Variants in CDK14 observed in about 807,000 individuals in gnomAD.
The protein encoded by CDK14 is cyclin dependent kinase 14, also known as cyclin-dependent kinase 14.
CDK14 carries 34 observed loss-of-function variants against 60.7 expected under a neutral mutation model. That is an observed-to-expected ratio of 0.56 (90% CI 0.43 to 0.75). The LOEUF (loss-of-function observed/expected upper bound fraction) is 0.75, where lower values mean the gene tolerates loss of function less well. Among genes scored for constraint, CDK14 ranks in the 30% least tolerant of loss-of-function variants. The pLI is 0.00. For synonymous variants in CDK14, 197 were observed against 203.7 expected (o/e 0.97, Z 0.28); for missense variants, 482 against 564.1 (o/e 0.85, Z 1.47).
chr7:90,769,240 G>T (rs1804688392), intron 4 of CDK14, among the ~76,000 whole-genome samples: 1 of 152,150 alleles, frequency 6.6e-6, no homozygotes. Flanking sequence ...AGTTGGAGAA[G>T]AGTCATGCCA....
intron 3 of CDK14, among the ~76,000 whole-genome samples, chr7:90,747,412 GAT>G (rs1222171974): frequency 1.3e-5 from 2 of 152,212 alleles, no homozygotes; most frequent in Non-Finnish European, 2.9e-5. Context: ...TCAGCTTACA[GAT>G]AGCACTGGAA....
chr7:91,175,425 A>G (rs1444002936), intron 14 of CDK14, among the ~76,000 whole-genome samples: 1 of 152,020 alleles, frequency 6.6e-6, no homozygotes, highest in Non-Finnish European at 1.5e-5. Context: ...ACCAGCTAAC[A>G]TCATCATGAC....
At chr7:90,813,172 G>C (rs1200613331) in intron 5 of CDK14, among the ~76,000 whole-genome samples, 1 of 152,110 alleles carries the variant, frequency 6.6e-6, no homozygotes, top group Non-Finnish European at 1.5e-5. Flanking sequence ...TTGTTTGTTT[G>C]TTTCTTTTGA....
chr7:90,668,712 T>A (rs1801036248), intron 2 of CDK14, among the ~76,000 whole-genome samples: 1 of 140,504 alleles, frequency 7.1e-6, no homozygotes, highest in African/African-American at 2.7e-5. Flanking sequence ...TTTTTTTTTT[T>A]TTTTTTTTTT....
At chr7:90,640,168 C>T (rs1259611048) in intron 2 of CDK14, among the ~76,000 whole-genome samples, 1 of 152,044 alleles carries the variant, frequency 6.6e-6, no homozygotes, top group Non-Finnish European at 1.5e-5. Flanking sequence ...TGATATGAAC[C>T]CGGTACCTCA....
chr7:90,683,897 C>CGTGTGTGTGTGTGTGTGTGT, intron 2 of CDK14, among the ~76,000 whole-genome samples: 1 of 145,764 alleles, frequency 6.9e-6, no homozygotes, highest in Admixed American at 6.8e-5. Context: ...AGAAAATGTA[C>CGTGTGTGTGTGTGTGTGTGT]GTGTGTGTGT....
intron 8 of CDK14, among the ~76,000 whole-genome samples, chr7:90,929,880 G>A (rs560595293): frequency 6.6e-6 from 1 of 152,296 alleles, no homozygotes; most frequent in African/African-American, 2.4e-5. Context: ...CTATCATCTA[G>A]AGTGAACACT....
chr7:90,620,506 C>G (rs1799743887), intron 2 of CDK14, among the ~76,000 whole-genome samples: 1 of 151,976 alleles, frequency 6.6e-6, no homozygotes, highest in African/African-American at 2.4e-5. Context: ...TCCAGCTTGT[C>G]CCCGTATCCC....
intron 12 of CDK14, among the ~76,000 whole-genome samples, chr7:91,111,721 A>C (rs1231680458): frequency 2.0e-5 from 3 of 152,186 alleles, no homozygotes; most frequent in African/African-American, 7.2e-5. Flanking sequence ...CGCATGTTCA[A>C]CTATCCAGAA....
intron 6 of CDK14, among the ~76,000 whole-genome samples, chr7:90,891,935 A>G (rs1017114411): frequency 1.3e-5 from 2 of 152,252 alleles, no homozygotes; most frequent in African/African-American, 4.8e-5. Context: ...TATCTCATGA[A>G]TAGGAGGTCT....
intron 11 of CDK14, among the ~76,000 whole-genome samples, chr7:91,054,696 C>G (rs1369934025): frequency 6.6e-6 from 1 of 152,060 alleles, no homozygotes; most frequent in Non-Finnish European, 1.5e-5. Context: ...TTACTAGGTG[C>G]CAGGCAGTAT....
intron 5 of CDK14, among the ~76,000 whole-genome samples, chr7:90,827,456 T>C (rs1789765405): frequency 1.3e-5 from 2 of 152,244 alleles, no homozygotes; most frequent in Admixed American, 6.5e-5. Flanking sequence ...TCAACTCATT[T>C]GAATACTTAA....
intron 14 of CDK14, among the ~76,000 whole-genome samples, chr7:91,179,415 T>G: frequency 1.4e-5 from 2 of 148,086 alleles, no homozygotes; most frequent in African/African-American, 4.9e-5. Flanking sequence ...GATGACGAGT[T>G]AGTGGGTGCA....
intron 2 of CDK14, among the ~76,000 whole-genome samples, chr7:90,665,899 A>G (rs538039349): frequency 6.6e-6 from 1 of 152,236 alleles, no homozygotes; most frequent in African/African-American, 2.4e-5. Context: ...CGATAAAATC[A>G]TCATGCTTCA....
chr7:90,705,654 A>T (rs1189211378), intron 2 of CDK14, among the ~76,000 whole-genome samples: 1 of 149,790 alleles, frequency 6.7e-6, no homozygotes, highest in Non-Finnish European at 1.5e-5. Flanking sequence ...CTGATTATCT[A>T]GTTGCCCAAT....
chr7:90,692,771 A>G (rs966118684), intron 2 of CDK14: 33 of 579,808 alleles, frequency 5.7e-5, no homozygotes, highest in Non-Finnish European at 6.5e-5. Flanking sequence ...ATTTGCTAAA[A>G]TGGGCTATTG....
At chr7:90,602,275 G>T (rs541337304) in intron 1 of CDK14, among the ~76,000 whole-genome samples, 3 of 152,270 alleles carry the variant, frequency 2.0e-5, no homozygotes, top group Admixed American at 1.3e-4. Context: ...GCCACATAGT[G>T]CGCGTGTTCC....
intron 6 of CDK14, among the ~76,000 whole-genome samples, chr7:90,878,052 G>A (rs1015775682): frequency 6.6e-6 from 1 of 150,528 alleles, no homozygotes; most frequent in Non-Finnish European, 1.5e-5. Context: ...TAGAATAGAT[G>A]CATTGGACAC....
At chr7:90,747,926 G>A in intron 4 of CDK14, 151 bp downstream of exon 4, 1 of 284,636 alleles carries the variant, frequency 3.5e-6, no homozygotes, top group Non-Finnish European at 5.7e-6. Context: ...TGGCAAGTGT[G>A]TAAAACTCAT....
Sources: allele counts gnomAD v4.1 joint callset (sites outside exome capture counted in the v4.1 genomes callset), GRCh38; gene constraint gnomAD v4.1.1; transcripts MANE v1.5; gene names NCBI Gene and HGNC (gene_info 2026-07-23, HGNC 2026-07-21).